AMBRA1: variants seen among roughly 807,000 people sequenced by gnomAD.
AMBRA1 encodes the protein activating molecule in BECN1-regulated autophagy protein 1.
AMBRA1 carries 47 observed loss-of-function variants against 125.4 expected under a neutral mutation model. The observed-to-expected ratio is 0.37, with a 90% CI of 0.30 to 0.48. AMBRA1 has a LOEUF of 0.48. Among genes scored for constraint, AMBRA1 ranks in the 20% least tolerant of loss-of-function variants. The pLI is 0.99. For synonymous variants in AMBRA1, 626 were observed against 655.5 expected, an observed-to-expected ratio of 0.95 and a Z score of 0.69; for missense variants, 1,331 against 1,693.4, an observed-to-expected ratio of 0.79 and a Z score of 3.76.
At chr11:46,579,093 A>C (rs539307661) in intron 1 of AMBRA1, among the ~76,000 whole-genome samples, 2 of 151,726 alleles carry the variant, frequency 1.3e-5, no homozygotes, top group African/African-American at 4.8e-5. Context: ...AAAAGCCAGT[A>C]ATACCAAAAT....
At chr11:46,585,465 A>T (rs2044337005) in intron 1 of AMBRA1, among the ~76,000 whole-genome samples, 1 of 149,806 alleles carries the variant, frequency 6.7e-6, no homozygotes, top group Non-Finnish European at 1.5e-5. Flanking sequence ...CAGGAGATCG[A>T]GACCATCCTG....
At chr11:46,441,555 G>A (rs1388902534) in intron 12 of AMBRA1, among the ~76,000 whole-genome samples, 3 of 152,032 alleles carry the variant, frequency 2.0e-5, no homozygotes, top group Non-Finnish European at 4.4e-5. Flanking sequence ...GGAAGGTTGA[G>A]TCTTGGTTTA....
At chr11:46,557,907 G>A (rs981782516) in intron 1 of AMBRA1, among the ~76,000 whole-genome samples, 2 of 152,038 alleles carry the variant, frequency 1.3e-5, no homozygotes, top group African/African-American at 4.8e-5. Context: ...AGGAGGTGGG[G>A]GTTGCAGTAA....
intron 7 of AMBRA1, among the ~76,000 whole-genome samples, chr11:46,519,191 T>A (rs928998209): frequency 6.6e-6 from 1 of 152,160 alleles, no homozygotes; most frequent in East Asian, 1.9e-4. Flanking sequence ...GCCTGGCTAA[T>A]TTTTGTATTT....
At chr11:46,486,934 TAAATA>T (rs1383023202) in intron 11 of AMBRA1, among the ~76,000 whole-genome samples, 22 of 149,092 alleles carry the variant, frequency 1.5e-4, no homozygotes, top group Non-Finnish European at 3.1e-4. Context: ...AATAAATAAA[TAAATA>T]AATAAATAAA....
intron 1 of AMBRA1, among the ~76,000 whole-genome samples, chr11:46,564,069 A>G (rs1305266153): frequency 6.7e-6 from 1 of 149,232 alleles, no homozygotes; most frequent in African/African-American, 2.5e-5. Flanking sequence ...GCTTCAACCC[A>G]GGAGGCAGAG....
chr11:46,458,220 G>C lies in AMBRA1; in HGVS notation c.2522-14622C>G, dbSNP rs575122087. 3.3e-5 allele frequency among the ~76,000 whole-genome samples: 5 copies of C among 152,280 alleles called. No homozygotes were observed. The South Asian group carries it at 8.3e-4, about 25-fold the overall frequency. On this transcript the variant is annotated intron_variant, in intron 11 of 17. Coordinates refer to ENST00000683756, the MANE Select transcript of AMBRA1 (RefSeq NM_001387011.1). The stretch of plus-strand genomic sequence containing the variant: ...ATCCAGTGTTCAAACATTAACACCA[G>C]GAACACAGTGGAAAAGCAATATTAG...
intron 7 of AMBRA1, among the ~76,000 whole-genome samples, chr11:46,515,767 C>T (rs1951451918): frequency 1.3e-5 from 2 of 152,140 alleles, no homozygotes; most frequent in African/African-American, 4.8e-5. Context: ...CCTCCGCCTC[C>T]TGGGTTCAAG....
chr11:46,550,267 ATTAG>A (rs2042952479), intron 1 of AMBRA1, among the ~76,000 whole-genome samples: 1 of 152,182 alleles, frequency 6.6e-6, no homozygotes, highest in Non-Finnish European at 1.5e-5. Flanking sequence ...TAAAACCTTC[ATTAG>A]TTTAAATGTT....
At chr11:46,399,700 T>C (rs1393140808) in intron 17 of AMBRA1, among the ~76,000 whole-genome samples, 1 of 152,212 alleles carries the variant, frequency 6.6e-6, no homozygotes, top group African/African-American at 2.4e-5. Context: ...TTGGAAGGGC[T>C]GTTTCCTTCT....
At chr11:46,549,384 A>G (rs1209723527) in intron 1 of AMBRA1, among the ~76,000 whole-genome samples, 9 of 152,222 alleles carry the variant, frequency 5.9e-5, no homozygotes, top group Non-Finnish European at 1.2e-4. Flanking sequence ...ATAAACATAC[A>G]CTATTCTCCA....
intron 14 of AMBRA1, chr11:46,428,587 TTCTTC>T (rs1947273821): frequency 1.1e-5 from 13 of 1,221,068 alleles, no homozygotes; most frequent in Middle Eastern, 2.7e-4. Context: ...CTTCTTCTTC[TTCTTC>T]TTTTTTTTTT....
intron 7 of AMBRA1, among the ~76,000 whole-genome samples, chr11:46,520,852 G>A (rs184212587): frequency 0.022 from 3,362 of 151,122 alleles, 120 homozygotes; most frequent in African/African-American, 0.077. Context: ...TGATCCGCCC[G>A]CCTCGGCCTC....
At position 46,543,351 on chromosome 11, in the gene AMBRA1, G is replaced by A. The variant is rs767747456; in HGVS notation, c.666C>T (p.His222=). ...ATTGCAGGAGGGCACGCTGACGGTA[G>A]TGGGATAATTCTGTTCCATCTATGG... ...EIPIDGTELS[H]YRQRALLQSQ... Residue 222 remains histidine (H), a synonymous_variant, in exon 7 of 18, where the codon CAC becomes CAT. Coordinates refer to ENST00000683756, the MANE Select transcript of AMBRA1 (RefSeq NM_001387011.1). 5.5e-5 allele frequency: 89 copies of A among 1,613,928 alleles called. No homozygotes were observed. Among genetic ancestry groups the A allele is most frequent in the Non-Finnish European group, 7.3e-5 (86 of 1,179,972 alleles).
At chr11:46,475,867 G>A (rs1949792871) in intron 11 of AMBRA1, among the ~76,000 whole-genome samples, 1 of 152,160 alleles carries the variant, frequency 6.6e-6, no homozygotes, top group Non-Finnish European at 1.5e-5. Flanking sequence ...AAAGAAAGCA[G>A]GCAGCTTCAA....
At chr11:46,544,344 AC>A (rs1290960854) in intron 5 of AMBRA1, among the ~76,000 whole-genome samples, 2 of 152,150 alleles carry the variant, frequency 1.3e-5, no homozygotes, top group African/African-American at 4.8e-5. Flanking sequence ...GTTCATCCTA[AC>A]CGTAAAGCAT....
At chr11:46,505,195 C>T (rs774934161) in intron 9 of AMBRA1, among the ~76,000 whole-genome samples, 8 of 152,206 alleles carry the variant, frequency 5.3e-5, no homozygotes, top group Non-Finnish European at 1.0e-4. Flanking sequence ...ACTGCACATG[C>T]CTCTGACTTT....
intron 14 of AMBRA1, among the ~76,000 whole-genome samples, chr11:46,423,741 C>A (rs569833926): frequency 6.7e-6 from 1 of 148,310 alleles, no homozygotes; most frequent in East Asian, 2.0e-4. Flanking sequence ...AGGACTAACT[C>A]ACAGGCAGTG....
chr11:46,545,407 A>C (rs1266923825), intron 5 of AMBRA1, among the ~76,000 whole-genome samples, 197 bp downstream of exon 5: 1 of 151,986 alleles, frequency 6.6e-6, no homozygotes, highest in Non-Finnish European at 1.5e-5. Flanking sequence ...GGTCGCAGTG[A>C]GACAAGACTG....
Sources: gnomAD v4.1 joint callset for allele counts (sites outside exome capture counted in the v4.1 genomes callset) on GRCh38, gnomAD v4.1.1 for gene constraint, MANE v1.5 for transcripts, NCBI Gene and HGNC (gene_info 2026-07-23, HGNC 2026-07-21) for gene names.